The following GOLPH3 variants were observed in gnomAD, a reference collection of about 807,000 sequenced individuals.
GOLPH3 encodes coat protein GPP34.
A neutral mutation model predicts 28.5 loss-of-function variants in GOLPH3; 14 were observed. That is an observed-to-expected ratio of 0.49 (90% CI 0.32 to 0.77). The LOEUF (loss-of-function observed/expected upper bound fraction) is 0.77. Among genes scored for constraint, GOLPH3 ranks in the 30% least tolerant of loss-of-function variants. GOLPH3 has a pLI of 0.03. For synonymous variants in GOLPH3, 158 were observed against 159.2 expected (o/e 0.99, Z 0.06); for missense variants, 350 against 393.7 (o/e 0.89, Z 0.94).
intron 1 of GOLPH3, among the ~76,000 whole-genome samples, chr5:32,157,748 G>A (rs934770705): frequency 1.3e-5 from 2 of 151,996 alleles, no homozygotes; most frequent in Non-Finnish European, 2.9e-5. Flanking sequence ...AGGCTAAGGC[G>A]GGTGGATCAC....
chr5:32,169,130 T>A (rs1026922594), intron 1 of GOLPH3, among the ~76,000 whole-genome samples: 3 of 151,918 alleles, frequency 2.0e-5, no homozygotes, highest in Non-Finnish European at 2.9e-5. Context: ...AATTTTTTTT[T>A]AATTAGCTGG....
At chr5:32,149,877 A>G (rs1321893052) in intron 1 of GOLPH3, among the ~76,000 whole-genome samples, 1 of 152,076 alleles carries the variant, frequency 6.6e-6, no homozygotes, top group Non-Finnish European at 1.5e-5. Context: ...CATGCCTGTA[A>G]TAGCAGCTAC....
intron 1 of GOLPH3, among the ~76,000 whole-genome samples, chr5:32,164,251 C>T (rs535387483): frequency 6.6e-6 from 1 of 152,282 alleles, no homozygotes; most frequent in Admixed American, 6.5e-5. Flanking sequence ...ATGTTTCTCA[C>T]CCTTTATTTC....
At chr5:32,129,899 T>A (rs1274129974) in intron 3 of GOLPH3, among the ~76,000 whole-genome samples, 1 of 151,650 alleles carries the variant, frequency 6.6e-6, no homozygotes, top group African/African-American at 2.4e-5. Flanking sequence ...TGGAGTGCGG[T>A]GGTGTGATCA....
intron 1 of GOLPH3, among the ~76,000 whole-genome samples, chr5:32,165,650 T>C (rs1462105308): frequency 6.6e-6 from 1 of 152,220 alleles, no homozygotes; most frequent in East Asian, 1.9e-4. Flanking sequence ...ATATGAGCTT[T>C]GACACACAGA....
At chr5:32,162,572 C>T (rs1052115828) in intron 1 of GOLPH3, among the ~76,000 whole-genome samples, 1 of 151,994 alleles carries the variant, frequency 6.6e-6, no homozygotes, top group African/African-American at 2.4e-5. Flanking sequence ...TCAGTAAGCC[C>T]AGCATATAAA....
chr5:32,133,499 T>C (rs921811954), intron 3 of GOLPH3, among the ~76,000 whole-genome samples: 10 of 152,056 alleles, frequency 6.6e-5, no homozygotes, highest in African/African-American at 2.4e-4. Context: ...CAGCACAACA[T>C]GAGAAAGATC....
At chr5:32,160,631 A>T (rs1172027019) in intron 1 of GOLPH3, among the ~76,000 whole-genome samples, 1 of 152,242 alleles carries the variant, frequency 6.6e-6, no homozygotes, top group Non-Finnish European at 1.5e-5. Flanking sequence ...TGGTAGGCAA[A>T]AAGGATGTGA....
Position 32,124,864 on chromosome 5 carries a change from A to G in GOLPH3, c.*1348T>C, listed in dbSNP as rs1185381884. On this transcript the variant is annotated 3_prime_UTR_variant, in exon 4 of 4. Coordinates refer to ENST00000265070, the MANE Select transcript of GOLPH3 (RefSeq NM_022130.4). ...TTAACAACAACAAAAAAAATCTCTA[A>G]ACACCTGAAAGCCCCACTATTAACA... is the stretch of plus-strand genomic sequence containing the variant. 6.6e-6 allele frequency: 1 copy of G among 152,652 alleles called. No homozygotes were observed. The highest frequency in any genetic ancestry group is 1.9e-4 in the East Asian group (1 of 5,206). 9.5% of individuals were successfully genotyped at this position (152,652 alleles called of 1,614,324 possible). A position where few individuals can be genotyped will look rare whatever the true frequency, so the allele number is the denominator to read the frequency against.
At chr5:32,157,938 T>C (rs924668790) in intron 1 of GOLPH3, among the ~76,000 whole-genome samples, 2 of 150,930 alleles carry the variant, frequency 1.3e-5, no homozygotes, top group Middle Eastern at 3.4e-3. Flanking sequence ...GATCACGCCA[T>C]TGTACTCCAG....
intron 1 of GOLPH3, among the ~76,000 whole-genome samples, chr5:32,147,503 C>T (rs1359566352): frequency 6.6e-6 from 1 of 150,598 alleles, no homozygotes; most frequent in African/African-American, 2.4e-5. Context: ...ATTATGAAAT[C>T]GTGTGTGTGT....
chr5:32,147,591 T>C (rs1746207279), intron 1 of GOLPH3, among the ~76,000 whole-genome samples: 1 of 152,186 alleles, frequency 6.6e-6, no homozygotes, highest in African/African-American at 2.4e-5. Context: ...GTCTGGTGAT[T>C]ATGGTGATCT....
intron 1 of GOLPH3, among the ~76,000 whole-genome samples, chr5:32,160,533 T>C (rs1455641347): frequency 6.6e-6 from 1 of 152,188 alleles, no homozygotes; most frequent in Admixed American, 6.5e-5. Flanking sequence ...ATCATAATAC[T>C]GATATAAATA....
At chr5:32,165,389 C>G (rs143791316) in intron 1 of GOLPH3, among the ~76,000 whole-genome samples, 4,817 of 152,186 alleles carry the variant, frequency 0.032, 158 homozygotes, top group East Asian at 0.17. Context: ...TTGAGACCAG[C>G]CTGGCCAACA....
At chr5:32,145,337 C>A (rs1746163518) in intron 1 of GOLPH3, among the ~76,000 whole-genome samples, 1 of 152,166 alleles carries the variant, frequency 6.6e-6, no homozygotes, top group African/African-American at 2.4e-5. Context: ...TCACTTTAAA[C>A]TTAGGGTCGG....
At chr5:32,126,787 C>T in intron 3 of GOLPH3, 151 bp from the exon 4 acceptor site, 1 of 653,786 alleles carries the variant, frequency 1.5e-6, no homozygotes, top group Non-Finnish European at 2.6e-6. Flanking sequence ...ACCATGAACC[C>T]CTTAAGCCTA....
intron 3 of GOLPH3, among the ~76,000 whole-genome samples, chr5:32,127,215 C>A (rs1338660877): frequency 6.6e-6 from 1 of 152,092 alleles, no homozygotes; most frequent in Non-Finnish European, 1.5e-5. Context: ...TAAAATAAAA[C>A]CAAACGATTT....
At chr5:32,171,357 C>G (rs1288534456) in intron 1 of GOLPH3, among the ~76,000 whole-genome samples, 1 of 152,054 alleles carries the variant, frequency 6.6e-6, no homozygotes, top group African/African-American at 2.4e-5. Flanking sequence ...GCATTTAAAG[C>G]CATCCTGGGC....
rs1190114355 is a variant in GOLPH3, at chr5:32,135,701, A to G, written c.358-15T>C. On this transcript the variant is annotated splice_polypyrimidine_tract_variant and intron_variant, in intron 2 of 3. Coordinates refer to ENST00000265070, the MANE Select transcript of GOLPH3 (RefSeq NM_022130.4). ...TTACAGATTACCTAAAAAGAAAGCAAAAAGAATGAAAGGATCCACGAATGC... is the reference window on the plus strand; with the variant it reads ...TTACAGATTACCTAAAAAGAAAGCAGAAAGAATGAAAGGATCCACGAATGC... 2 of 1,494,836 alleles carry G rather than the reference A, an allele frequency of 1.3e-6. No homozygotes were observed. Among genetic ancestry groups the G allele is most frequent in the South Asian group, 2.3e-5 (2 of 88,100 alleles). The allele number at this position is 1,494,836 out of a possible 1,614,324, so 92.6% of individuals were successfully genotyped here. A position where few individuals can be genotyped will look rare whatever the true frequency, so the allele number is the denominator to read the frequency against.
Sources: allele counts gnomAD v4.1 joint callset (sites outside exome capture counted in the v4.1 genomes callset), GRCh38; gene constraint gnomAD v4.1.1; transcripts MANE v1.5; gene names NCBI Gene and HGNC (gene_info 2026-07-23, HGNC 2026-07-21).